The following TLR5 variants were observed in gnomAD, a reference collection of about 807,000 sequenced individuals.
TLR5 encodes the protein toll like receptor 5, also known as toll-like receptor 5.
For synonymous variants in TLR5, 373 were observed against 384.4 expected (o/e 0.97, Z 0.35); for missense variants, 944 against 999.8 (o/e 0.94, Z 0.75).
At chr1:223,113,783 CTA>C (rs1461218390) in intron 5 of TLR5, among the ~76,000 whole-genome samples, 1 of 152,106 alleles carries the variant, frequency 6.6e-6, no homozygotes, top group African/African-American at 2.4e-5. Context: ...TATAATAACT[CTA>C]TGTTTCTTCA....
rs1657538119 is a variant in TLR5 at position 223,134,741 on chromosome 1, C to T, written c.-229G>A. The T allele has an allele frequency of 6.6e-6, 1 of 151,000 alleles. No homozygotes were observed. Among genetic ancestry groups the T allele is most frequent in the South Asian group, 2.1e-4 (1 of 4,804 alleles). The allele number at this position is 151,000 out of a possible 1,614,324, so 9.4% of individuals were successfully genotyped here. A position where few individuals can be genotyped will look rare whatever the true frequency, so the allele number is the denominator to read the frequency against. Reference sequence around the variant, plus strand: ...ATTAGAAAATTAACATCTGAGGCTCCGACATCTTCCCTGGATGCTAAATCC... The same window carrying T: ...ATTAGAAAATTAACATCTGAGGCTCTGACATCTTCCCTGGATGCTAAATCC... On this transcript the variant is annotated 5_prime_UTR_variant, in exon 4 of 6. Coordinates refer to ENST00000642603, the MANE Select transcript of TLR5 (RefSeq NM_003268.6).
chr1:223,125,599 C>T (rs1354477998), intron 5 of TLR5, among the ~76,000 whole-genome samples: 1 of 102,504 alleles, frequency 9.8e-6, no homozygotes, highest in Non-Finnish European at 1.9e-5. Context: ...TTGGGATTGG[C>T]GGTGGTTGGT....
At chr1:223,113,164 A>G in intron 5 of TLR5, 129 bp from the exon 6 acceptor site, 1 of 887,088 alleles carries the variant, frequency 1.1e-6, no homozygotes, top group Non-Finnish European at 1.8e-6. Flanking sequence ...CTCTGACTCC[A>G]CAGACGTGGC....
In TLR5 at chr1:223,112,450, T is replaced by G. The variant is rs779207718; in HGVS notation, c.582A>C (p.Gln194His). Residue 194 changes from glutamine (Q) to histidine (H), a missense_variant, in exon 6 of 6, where the codon CAA becomes CAC. Physicochemically the swap from Gln to His is conservative, Grantham distance 24 (BLOSUM62 0). Coordinates refer to ENST00000642603, the MANE Select transcript of TLR5 (RefSeq NM_003268.6). ...GGCTAAAAAAGGAGAGCGTTTTCCC[T>G]TGTAGGGGCTCGAGCTCATGTTCAC... is the stretch of plus-strand genomic sequence containing the variant. The part of the protein sequence containing the change: ...LVCEHELEPL[Q>H]GKTLSFFSLA... 7 of 1,614,254 alleles carry G rather than the reference T, an allele frequency of 4.3e-6. No homozygotes were observed. The highest frequency in any genetic ancestry group is 5.9e-6 in the Non-Finnish European group (7 of 1,180,052).
At chr1:223,114,308 C>A (rs949212183) in intron 5 of TLR5, among the ~76,000 whole-genome samples, 2 of 152,178 alleles carry the variant, frequency 1.3e-5, no homozygotes, top group African/African-American at 4.8e-5. Context: ...AAGGACCCCA[C>A]CTGCAGAGAG....
intron 3 of TLR5, among the ~76,000 whole-genome samples, chr1:223,136,838 T>G (rs1053090661): frequency 6.6e-6 from 1 of 152,158 alleles, no homozygotes; most frequent in African/African-American, 2.4e-5. Context: ...TTTTAAATTT[T>G]TTTTTTTGAG....
rs199534030 is a variant in TLR5 at position 223,111,963 on chromosome 1, A to T, written c.1069T>A (p.Tyr357Asn). 254 of 1,614,078 alleles carry T rather than the reference A, an allele frequency of 1.6e-4. 1 individual carries two copies. Among genetic ancestry groups the T allele is most frequent in the Non-Finnish European group, 1.6e-4 (186 of 1,180,058 alleles). ...ATGTAGGCTACCTTAGGTAGTCCAT[A>T]GAAATTCGAACTGTAAAGTTCCCCC... is the stretch of plus-strand genomic sequence containing the variant. ...LLGELYSSNF[Y>N]GLPKVAYIDL... Residue 357 changes from tyrosine to asparagine, a missense_variant, in exon 6 of 6, where the codon TAT (tyrosine) becomes AAT (asparagine). Transcript: ENST00000642603.
At position 223,112,533 on chromosome 1, in the gene TLR5, CA is replaced by C; in HGVS notation, c.498del (p.Phe166LeufsTer4). ...QIRSLYLHPS[F>X]GKLNSLKSID... is the part of the protein sequence containing the mutation. Reference sequence around the variant, plus strand: ...ATGGACTTTAAGGAATTCAACTTCCCAAATGAAGGATGAAGGTAAAGGCTAC... The same window carrying C: ...ATGGACTTTAAGGAATTCAACTTCCCAATGAAGGATGAAGGTAAAGGCTAC... On this transcript the variant is annotated frameshift_variant, in exon 6 of 6. Coordinates refer to ENST00000642603, the MANE Select transcript of TLR5 (RefSeq NM_003268.6). LOFTEE classifies it low-confidence loss of function (END_TRUNC). The C allele has an allele frequency of 6.2e-7, 1 of 1,614,178 alleles. No individual in the cohort carries two copies. The highest frequency in any genetic ancestry group is 8.5e-7 in the Non-Finnish European group (1 of 1,180,038).
Position 223,111,742 on chromosome 1 carries a change from T to C in TLR5, c.1290A>G (p.Leu430=). ...KINLTANLIH[L]SENRLENLDI... is the part of the protein sequence containing the mutation. ...CTAGATTTTCTAGCCTGTTTTCTGATAAGTGGATGAGGTTCGCTGTAAGGT... is the reference window on the plus strand; with the variant it reads ...CTAGATTTTCTAGCCTGTTTTCTGACAAGTGGATGAGGTTCGCTGTAAGGT... The change falls in exon 6 of 6, where the codon TTA becomes TTG. Residue 430 remains leucine (L), a synonymous_variant. Transcript: ENST00000642603. 6.2e-7 allele frequency: 1 copy of C among 1,614,158 alleles called. No individual in the cohort carries two copies. The highest frequency in any genetic ancestry group is 8.5e-7 in the Non-Finnish European group (1 of 1,180,016).
chr1:223,129,898 GATTT>G lies in TLR5; in HGVS notation c.-5+2573_-5+2576del, dbSNP rs575228169. Among the ~76,000 whole-genome samples, 454 of 152,282 alleles carry G rather than the reference GATTT, an allele frequency of 3.0e-3. 2 individuals carry two copies. Among genetic ancestry groups the G allele is most frequent in the African/African-American group, 0.01 (429 of 41,536 alleles). On this transcript the variant is annotated intron_variant, in intron 5 of 5. Coordinates refer to ENST00000642603, the MANE Select transcript of TLR5 (RefSeq NM_003268.6). ...GGTTTCTGTGCACTGCAGAACGGTTGATTTATTTACTGATGCCCGGTGGTCTCAT... is the reference window on the plus strand; with the variant it reads ...GGTTTCTGTGCACTGCAGAACGGTTGATTTACTGATGCCCGGTGGTCTCAT...
At chr1:223,115,466 G>T (rs1438003446) in intron 5 of TLR5, among the ~76,000 whole-genome samples, 1 of 152,156 alleles carries the variant, frequency 6.6e-6, no homozygotes, top group Non-Finnish European at 1.5e-5. Flanking sequence ...GCCCAGGACG[G>T]TCTTGAACTC....
rs186364639 is a variant in TLR5, at chr1:223,120,621, T to C, written c.-4-7586A>G. ...TTTTGCAGAGTTTGACTTTTTTTTA[T>C]TGACAGTGTTATTCACCATTTCAGA... On this transcript the variant is annotated intron_variant, in intron 5 of 5. Coordinates refer to ENST00000642603, the MANE Select transcript of TLR5 (RefSeq NM_003268.6). Among the ~76,000 whole-genome samples, 101 of 152,368 alleles carry C rather than the reference T, an allele frequency of 6.6e-4. 1 individual carries two copies. The highest frequency in any genetic ancestry group is 2.2e-3 in the African/African-American group (93 of 41,580).
chr1:223,120,321 C>T (rs1040788464), intron 5 of TLR5, among the ~76,000 whole-genome samples: 1 of 152,188 alleles, frequency 6.6e-6, no homozygotes, highest in African/African-American at 2.4e-5. Context: ...CCCTTGATTC[C>T]AGGCCTTTAG....
chr1:223,116,581 G>T (rs949814551), intron 5 of TLR5, among the ~76,000 whole-genome samples: 2 of 152,194 alleles, frequency 1.3e-5, no homozygotes, highest in African/African-American at 4.8e-5. Flanking sequence ...CTTCCACGGT[G>T]TGAAAGACGA....
At chr1:223,122,630 T>C (rs1656999012) in intron 5 of TLR5, among the ~76,000 whole-genome samples, 1 of 152,242 alleles carries the variant, frequency 6.6e-6, no homozygotes, top group Non-Finnish European at 1.5e-5. Context: ...CATGTAAGCA[T>C]GTTGGCTTCA....
At chr1:223,123,831 G>A (rs1194931275) in intron 5 of TLR5, 1 of 152,244 alleles carries the variant, frequency 6.6e-6, no homozygotes, top group Non-Finnish European at 1.5e-5. Context: ...TTCAAGAACG[G>A]CGTCCACGCT....
At chr1:223,119,044 C>T (rs746037077) in intron 5 of TLR5, among the ~76,000 whole-genome samples, 1 of 152,190 alleles carries the variant, frequency 6.6e-6, no homozygotes, top group East Asian at 1.9e-4. Context: ...GCAGAGGTTG[C>T]AGTGAGCTGA....
intron 5 of TLR5, among the ~76,000 whole-genome samples, chr1:223,123,206 C>T (rs898995362): frequency 6.6e-6 from 1 of 152,050 alleles, no homozygotes; most frequent in Non-Finnish European, 1.5e-5. Context: ...CAGAGAAATC[C>T]CTGCAGACAT....
chr1:223,116,534 G>A (rs374177128), intron 5 of TLR5, among the ~76,000 whole-genome samples: 40 of 152,226 alleles, frequency 2.6e-4, no homozygotes, highest in East Asian at 2.3e-3. Context: ...AAGAGCGAGC[G>A]GCAGCAAGAT....
Sources: allele counts gnomAD v4.1 joint callset (sites outside exome capture counted in the v4.1 genomes callset), GRCh38; gene constraint gnomAD v4.1.1; transcripts MANE v1.5; gene names NCBI Gene and HGNC (gene_info 2026-07-23, HGNC 2026-07-21).